The following TANGO6 variants were observed in gnomAD, a reference collection of about 807,000 sequenced individuals.
TANGO6 encodes transport and Golgi organization protein 6 homolog.
In TANGO6, 90 loss-of-function variants were observed where a neutral mutation model predicts 114.2. That is an observed-to-expected ratio of 0.79 (90% CI 0.66 to 0.94). TANGO6 has a LOEUF of 0.94. TANGO6 is among the 40% of genes least tolerant of loss of function. TANGO6 has a pLI of 0.00. For missense variants in TANGO6, 1,274 were observed against 1,315.3 expected (o/e 0.97, Z 0.49); for synonymous variants, 477 against 509.8 (o/e 0.94, Z 0.87).
chr16:68,892,669 C>G (rs1267122453), intron 7 of TANGO6, among the ~76,000 whole-genome samples: 2 of 152,066 alleles, frequency 1.3e-5, no homozygotes, highest in Admixed American at 1.3e-4. Flanking sequence ...CACCCACCAC[C>G]ACATCCAGCT....
At chr16:69,070,835 G>A (rs1309442489) in intron 17 of TANGO6, among the ~76,000 whole-genome samples, 1 of 151,126 alleles carries the variant, frequency 6.6e-6, no homozygotes, top group African/African-American at 2.4e-5. Flanking sequence ...ATGTAATGGG[G>A]TGGTCTTGGC....
intron 16 of TANGO6, among the ~76,000 whole-genome samples, chr16:69,039,282 TGCACCACTGCACTCCAGCCTGG>T (rs1959737275): frequency 6.7e-6 from 1 of 149,146 alleles, no homozygotes; most frequent in Non-Finnish European, 1.5e-5. Context: ...GAGCTGACAT[TGCACCACTGCACTCCAGCCTGG>T]GCAACAGAGC....
chr16:68,959,709 A>G (rs2303258), intron 14 of TANGO6, among the ~76,000 whole-genome samples: 9 of 152,336 alleles, frequency 5.9e-5, no homozygotes, highest in East Asian at 5.8e-4. Context: ...TAGCCCACCA[A>G]GCTTTTCTCA....
intron 5 of TANGO6, among the ~76,000 whole-genome samples, chr16:68,876,782 A>G (rs1348086213): frequency 6.6e-6 from 1 of 151,944 alleles, no homozygotes; most frequent in Non-Finnish European, 1.5e-5. Context: ...GTTTGCACCA[A>G]TGCACTCCAG....
At chr16:68,971,077 G>A (rs889854477) in intron 14 of TANGO6, among the ~76,000 whole-genome samples, 2 of 151,636 alleles carry the variant, frequency 1.3e-5, no homozygotes, top group East Asian at 1.9e-4. Context: ...TGCTTGAACC[G>A]GGAGGTGGAA....
chr16:68,907,622 C>A (rs1179550475), intron 10 of TANGO6, 47 bp downstream of exon 10: 1 of 1,539,306 alleles, frequency 6.5e-7, no homozygotes, highest in African/African-American at 1.4e-5. Flanking sequence ...CAGGGGAGTT[C>A]CAGGAAACCC....
intron 7 of TANGO6, among the ~76,000 whole-genome samples, chr16:68,884,300 C>T (rs773601604): frequency 3.9e-5 from 6 of 152,082 alleles, no homozygotes; most frequent in Non-Finnish European, 8.8e-5. Context: ...TGAGGGTTGA[C>T]CTGGCACACA....
intron 14 of TANGO6, among the ~76,000 whole-genome samples, chr16:68,957,823 A>C (rs1963549148): frequency 6.6e-6 from 1 of 152,174 alleles, no homozygotes; most frequent in Non-Finnish European, 1.5e-5. Context: ...ACAATTATCT[A>C]ATAGATTTGA....
rs397761274 is a variant in TANGO6, at chr16:69,028,856, CA to C, written c.2994+5895del. 2.1e-3 allele frequency among the ~76,000 whole-genome samples: 138 copies of C among 65,560 alleles called. 1 individual carries two copies. The Middle Eastern group carries it at 0.048, about 23-fold the overall frequency. The allele number at this position is 65,560 out of a possible 152,430, so 43.0% of individuals were successfully genotyped here. On this transcript the variant is annotated intron_variant, in intron 16 of 17. Coordinates refer to ENST00000261778, the MANE Select transcript of TANGO6 (RefSeq NM_024562.2). ...GCACACACCACCATGCCCAGTTTAACAAAAAAAAAAAAAAAAAAGAAAAAGA... is the reference window on the plus strand; with the variant it reads ...GCACACACCACCATGCCCAGTTTAACAAAAAAAAAAAAAAAAAGAAAAAGA...
At chr16:68,975,589 A>C (rs181788279) in intron 15 of TANGO6, among the ~76,000 whole-genome samples, 69 of 150,616 alleles carry the variant, frequency 4.6e-4, no homozygotes, top group Middle Eastern at 6.9e-3. Flanking sequence ...ACAGGGTCTT[A>C]CTCAGTCACC....
At chr16:68,909,453 TAAA>T in intron 11 of TANGO6, 51 bp downstream of exon 11, 3 of 1,423,796 alleles carry the variant, frequency 2.1e-6, no homozygotes. Flanking sequence ...TTCCAAAAAA[TAAA>T]GTTTAAAAAT....
chr16:68,876,164 AT>A (rs11314437), intron 5 of TANGO6, among the ~76,000 whole-genome samples: 14,222 of 145,780 alleles, frequency 0.098, 1,457 homozygotes, highest in African/African-American at 0.27. Context: ...ATTAATGCTA[AT>A]TTTTTTTTTT....
At chr16:68,882,941 C>A (rs977000575) in intron 7 of TANGO6, among the ~76,000 whole-genome samples, 1 of 152,132 alleles carries the variant, frequency 6.6e-6, no homozygotes, top group Non-Finnish European at 1.5e-5. Context: ...TCACTTGAAC[C>A]CGGGAGGCGG....
chr16:68,966,996 C>T (rs1278218811), intron 14 of TANGO6, among the ~76,000 whole-genome samples: 1 of 151,978 alleles, frequency 6.6e-6, no homozygotes, highest in Non-Finnish European at 1.5e-5. Flanking sequence ...GGTCTCAAAC[C>T]CCTGACTGCA....
chr16:68,940,539 C>T (rs182447237), intron 14 of TANGO6, among the ~76,000 whole-genome samples: 22 of 148,976 alleles, frequency 1.5e-4, no homozygotes, highest in Admixed American at 2.6e-4. Flanking sequence ...GTCCACTTCT[C>T]ATCCTGGTTT....
At chr16:69,050,564 A>T (rs1275370575) in intron 17 of TANGO6, among the ~76,000 whole-genome samples, 1 of 150,024 alleles carries the variant, frequency 6.7e-6, no homozygotes, top group African/African-American at 2.5e-5. Flanking sequence ...ATCTCAGCTC[A>T]CTGCAACCTC....
At chr16:68,855,851 C>T (rs1961981607) in intron 1 of TANGO6, among the ~76,000 whole-genome samples, 1 of 150,276 alleles carries the variant, frequency 6.7e-6, no homozygotes, top group African/African-American at 2.5e-5. Context: ...TGCCACCGCA[C>T]TCTAGCCTTG....
intron 17 of TANGO6, among the ~76,000 whole-genome samples, chr16:69,042,796 C>T (rs1959794058): frequency 1.3e-5 from 2 of 152,182 alleles, no homozygotes; most frequent in African/African-American, 2.4e-5. Context: ...TTGTTAAGAT[C>T]TACAAAACTC....
At chr16:68,980,734 G>A (rs1013137738) in intron 15 of TANGO6, among the ~76,000 whole-genome samples, 2 of 151,856 alleles carry the variant, frequency 1.3e-5, no homozygotes, top group Non-Finnish European at 2.9e-5. Flanking sequence ...GAGGCTAGGC[G>A]AGGTGGCTCA....
Sources: allele counts gnomAD v4.1 joint callset (sites outside exome capture counted in the v4.1 genomes callset), GRCh38; gene constraint gnomAD v4.1.1; transcripts MANE v1.5; gene names NCBI Gene and HGNC (gene_info 2026-07-23, HGNC 2026-07-21).